THSD7B: variants seen among roughly 807,000 people sequenced by gnomAD.
THSD7B encodes the protein thrombospondin type-1 domain-containing protein 7B.
Under a neutral mutation model 213.6 loss-of-function variants are expected in THSD7B, and 138 were observed. The observed-to-expected ratio is 0.65, with a 90% CI of 0.56 to 0.74. The LOEUF is 0.74. Among genes scored for constraint, THSD7B ranks in the 30% least tolerant of loss-of-function variants. The pLI is 0.00. For missense variants in THSD7B, 1,931 were observed against 1,991.5 expected (o/e 0.97, Z 0.58); for synonymous variants, 742 against 687.0 (o/e 1.08, Z -1.25).
chr2:137,252,718 A>AATG (rs923360923), intron 10 of THSD7B, among the ~76,000 whole-genome samples: 85 of 152,260 alleles, frequency 5.6e-4, no homozygotes, highest in African/African-American at 1.8e-3. Flanking sequence ...GGTGGCAGAG[A>AATG]ATGATGCAGG....
At chr2:137,112,124 T>G (rs1040592099) in intron 4 of THSD7B, among the ~76,000 whole-genome samples, 1 of 152,150 alleles carries the variant, frequency 6.6e-6, no homozygotes, top group Admixed American at 6.5e-5. Flanking sequence ...CTTTGATTTG[T>G]TATTCTGTCA....
chr2:137,070,151 T>G (rs933051283), intron 3 of THSD7B, among the ~76,000 whole-genome samples: 14 of 152,008 alleles, frequency 9.2e-5, no homozygotes, highest in African/African-American at 3.4e-4. Flanking sequence ...TTTTGTACTT[T>G]GTGCTTGTTT....
chr2:137,075,098 C>A (rs983913706), intron 3 of THSD7B, among the ~76,000 whole-genome samples: 1 of 152,054 alleles, frequency 6.6e-6, no homozygotes, highest in Non-Finnish European at 1.5e-5. Context: ...ATCTTTGTGG[C>A]GTTCTGTGTA....
intron 15 of THSD7B, among the ~76,000 whole-genome samples, chr2:137,489,615 C>A (rs898570638): frequency 6.6e-6 from 1 of 152,048 alleles, no homozygotes; most frequent in African/African-American, 2.4e-5. Flanking sequence ...CTTACAGTAG[C>A]CTTTAAAATC....
intron 15 of THSD7B, among the ~76,000 whole-genome samples, chr2:137,503,547 A>G (rs1233649751): frequency 6.6e-6 from 1 of 152,214 alleles, no homozygotes; most frequent in African/African-American, 2.4e-5. Flanking sequence ...TCATGAGAAG[A>G]ATATCAAGTG....
At chr2:137,556,277 A>T (rs1279237373) in intron 15 of THSD7B, among the ~76,000 whole-genome samples, 2 of 152,218 alleles carry the variant, frequency 1.3e-5, no homozygotes, top group Admixed American at 6.5e-5. Context: ...AAAAAATGTT[A>T]AGGGCAGACA....
chr2:137,077,269 A>G (rs1274750433), intron 3 of THSD7B, among the ~76,000 whole-genome samples: 1 of 152,142 alleles, frequency 6.6e-6, no homozygotes, highest in East Asian at 1.9e-4. Flanking sequence ...TATTGTGAAT[A>G]GTGCCGCAAT....
chr2:137,446,162 T>C (rs1307026772), intron 14 of THSD7B, among the ~76,000 whole-genome samples: 4 of 152,040 alleles, frequency 2.6e-5, no homozygotes, highest in African/African-American at 7.2e-5. Flanking sequence ...TAATCTAGGT[T>C]ATTTTCTCAG....
chr2:136,982,898 C>A (rs1685606424), intron 2 of THSD7B, among the ~76,000 whole-genome samples: 1 of 151,892 alleles, frequency 6.6e-6, no homozygotes, highest in South Asian at 2.1e-4. Flanking sequence ...TCTGAATAAT[C>A]CAAAAATTAT....
chr2:137,454,736 A>G (rs1687730553), intron 15 of THSD7B, among the ~76,000 whole-genome samples: 1 of 152,140 alleles, frequency 6.6e-6, no homozygotes, highest in Non-Finnish European at 1.5e-5. Context: ...GGCTAGGCAT[A>G]TGGTATATTT....
intron 3 of THSD7B, among the ~76,000 whole-genome samples, chr2:137,081,318 A>G (rs1483581817): frequency 6.6e-6 from 1 of 152,120 alleles, no homozygotes; most frequent in Non-Finnish European, 1.5e-5. Context: ...TTTTCTTCAT[A>G]TAAAATATAG....
At chr2:136,925,379 GA>G (rs1396997240) in intron 2 of THSD7B, among the ~76,000 whole-genome samples, 3 of 152,170 alleles carry the variant, frequency 2.0e-5, no homozygotes, top group African/African-American at 7.2e-5. Flanking sequence ...TTTTTATCAT[GA>G]AAGGATGTTA....
At chr2:136,768,622 T>TG (rs1681451287) in intron 1 of THSD7B, among the ~76,000 whole-genome samples, 1 of 152,256 alleles carries the variant, frequency 6.6e-6, no homozygotes, top group South Asian at 2.1e-4. Flanking sequence ...TATTAGTTGA[T>TG]GGGAAAAAAA....
intron 2 of THSD7B, among the ~76,000 whole-genome samples, chr2:137,001,951 T>C (rs934554119): frequency 1.3e-5 from 2 of 152,200 alleles, no homozygotes; most frequent in African/African-American, 2.4e-5. Flanking sequence ...TTCATCATTT[T>C]ATTCCTGTGT....
intron 1 of THSD7B, among the ~76,000 whole-genome samples, chr2:136,879,110 G>C (rs937136351): frequency 7.9e-5 from 12 of 152,142 alleles, no homozygotes; most frequent in Non-Finnish European, 1.8e-4. Flanking sequence ...GTAAGGAAGG[G>C]ATCCAGTTTC....
intron 25 of THSD7B, among the ~76,000 whole-genome samples, chr2:137,662,449 A>G (rs748102082): frequency 2.0e-5 from 3 of 151,608 alleles, no homozygotes; most frequent in Non-Finnish European, 2.9e-5. Context: ...ATTATTTTAG[A>G]GAGACAGTTT....
At chr2:137,156,584 A>G (rs1679913104) in intron 5 of THSD7B, among the ~76,000 whole-genome samples, 1 of 152,166 alleles carries the variant, frequency 6.6e-6, no homozygotes. Flanking sequence ...GTATTTATCA[A>G]AGGGGACTCA....
chr2:137,194,300 G>A (rs1680717933), intron 7 of THSD7B, among the ~76,000 whole-genome samples: 1 of 152,158 alleles, frequency 6.6e-6, no homozygotes. Context: ...GGAGAACTTA[G>A]CAGCAGTCCT....
intron 14 of THSD7B, among the ~76,000 whole-genome samples, chr2:137,443,776 G>A (rs1448149071): frequency 6.6e-6 from 1 of 151,898 alleles, no homozygotes; most frequent in Non-Finnish European, 1.5e-5. Flanking sequence ...TTTAATTAAG[G>A]AAACTGGCTG....
Sources: allele counts gnomAD v4.1 joint callset (sites outside exome capture counted in the v4.1 genomes callset), GRCh38; gene constraint gnomAD v4.1.1; transcripts MANE v1.5; gene names NCBI Gene and HGNC (gene_info 2026-07-23, HGNC 2026-07-21).